SREBF1: variants seen among roughly 807,000 people sequenced by gnomAD.
SREBF1 encodes sterol regulatory element-binding protein 1.
SREBF1 carries 45 observed loss-of-function variants against 100.1 expected under a neutral mutation model. That is an observed-to-expected ratio of 0.45 (90% confidence interval 0.35 to 0.58). The LOEUF (loss-of-function observed/expected upper bound fraction) is 0.58, where lower values mean the gene tolerates loss of function less well. SREBF1 is among the 20% of genes least tolerant of loss of function. SREBF1 has a pLI of 0.00. For synonymous variants in SREBF1, 657 were observed against 681.8 expected, an observed-to-expected ratio of 0.96 and a Z score of 0.57; for missense variants, 1,324 against 1,539.4, an observed-to-expected ratio of 0.86 and a Z score of 2.34.
At position 17,813,376 on chromosome 17, in the gene SREBF1, C is replaced by T. The variant is rs1184643144; in HGVS notation, c.3206G>A (p.Gly1069Asp). 1.9e-6 allele frequency: 3 copies of T among 1,595,690 alleles called. No individual in the cohort carries two copies. In the African/African-American group the frequency reaches 4.0e-5, roughly 21 times the overall value. Residue 1069 changes from glycine to aspartate, a missense_variant, in exon 18 of 19, where the codon GGC becomes GAC. Transcript: ENST00000261646. ...AGCAGCTGCCCCCTCACCTCCTTTG[C>T]CACCGGGGCCTGCCCGCCGCCTCAG... Reference protein sequence around the residue: ...RSLRRRAGPGGKGGAVAELEP... With the variant: ...RSLRRRAGPGDKGGAVAELEP...
chr17:17,819,229 C>T lies in SREBF1; in HGVS notation c.852G>A (p.Leu284=), dbSNP rs1567972862. ...TTGCCAAGATGGTTCCGCCACTCACCAGGGTCTGCAGGGCCAGGCACATGT... is the reference window on the plus strand; with the variant it reads ...TTGCCAAGATGGTTCCGCCACTCACTAGGGTCTGCAGGGCCAGGCACATGT... ...TTVQTGPLPT[L]VSGGTILATV... Residue 284 remains leucine, a synonymous_variant, in exon 5 of 19, where the codon CTG becomes CTA. Transcript: ENST00000261646. The T allele has an allele frequency of 6.2e-7, 1 of 1,614,062 alleles. No homozygotes were observed. The highest frequency in any genetic ancestry group is 8.5e-7 in the Non-Finnish European group (1 of 1,180,046).
At chr17:17,833,909 T>C (rs1385374712) in intron 1 of SREBF1, among the ~76,000 whole-genome samples, 1 of 151,962 alleles carries the variant, frequency 6.6e-6, no homozygotes, top group East Asian at 1.9e-4. Context: ...AGGCAGAGTT[T>C]GCAGTGAGCT....
chr17:17,836,064 A>G (rs916807615), intron 1 of SREBF1, among the ~76,000 whole-genome samples: 1 of 152,214 alleles, frequency 6.6e-6, no homozygotes, highest in African/African-American at 2.4e-5. Flanking sequence ...GCTCCACCCA[A>G]GGTACAACTA....
intron 18 of SREBF1, 96 bp from the exon 19 acceptor site, chr17:17,812,947 A>G (rs2033079013): frequency 1.1e-5 from 13 of 1,177,506 alleles, no homozygotes; most frequent in African/African-American, 1.1e-4. Flanking sequence ...AGCCGCCTGT[A>G]CCTGGCACAC....
intron 1 of SREBF1, among the ~76,000 whole-genome samples, chr17:17,827,178 G>C (rs2034542769): frequency 6.6e-6 from 1 of 152,204 alleles, no homozygotes; most frequent in African/African-American, 2.4e-5. Flanking sequence ...TGAGGGGGTG[G>C]AGGCCAGGAC....
chr17:17,822,811 G>A (rs1054123364), intron 1 of SREBF1, among the ~76,000 whole-genome samples: 6 of 152,228 alleles, frequency 3.9e-5, no homozygotes, highest in South Asian at 2.1e-4. Flanking sequence ...AGCTGGCACC[G>A]AGTGGAGACC....
chr17:17,829,408 C>G (rs1264083490), intron 1 of SREBF1, among the ~76,000 whole-genome samples: 1 of 151,818 alleles, frequency 6.6e-6, no homozygotes, highest in African/African-American at 2.4e-5. Flanking sequence ...TTACAACCTT[C>G]CCTACAACGT....
At chr17:17,829,141 C>G (rs943000775) in intron 1 of SREBF1, among the ~76,000 whole-genome samples, 1 of 145,910 alleles carries the variant, frequency 6.9e-6, no homozygotes, top group South Asian at 2.2e-4. Context: ...TGCAGTGAGC[C>G]GAGATTGTAC....
At chr17:17,830,630 G>C (rs1055356760) in intron 1 of SREBF1, among the ~76,000 whole-genome samples, 4 of 152,212 alleles carry the variant, frequency 2.6e-5, no homozygotes, top group African/African-American at 7.2e-5. Flanking sequence ...CGGGGAGTCA[G>C]TTAGGAAAGG....
rs200341188 is a variant in SREBF1, at chr17:17,814,759, G to C, written c.2603-12C>G. 246 of 1,611,576 alleles carry C rather than the reference G, an allele frequency of 1.5e-4. No individual in the cohort carries two copies. The highest frequency in any genetic ancestry group is 5.0e-4 in the Middle Eastern group (3 of 6,058). On this transcript the variant is annotated splice_polypyrimidine_tract_variant and intron_variant, in intron 14 of 18. Transcript: ENST00000261646. The stretch of plus-strand genomic sequence containing the variant: ...CACCGGGTCTACGCCTGCAGAAGAG[G>C]GAGGGTCCCCTGAACCCTCAGTCAC...
rs1303284096 is a variant in SREBF1, at chr17:17,817,822, G to A, written c.1278C>T (p.Thr426=). ...GVKTEVEDTL[T]PPPSDAGSPF... is the part of the protein sequence containing the mutation. ...GTGAGCCAGCATCCGAGGGGGGTGG[G>A]GTCAGTGTGTCCTCCACCTCAGTCT... is the stretch of plus-strand genomic sequence containing the variant. Residue 426 remains threonine (T), a synonymous_variant, in exon 7 of 19, where the codon ACC becomes ACT. Transcript: ENST00000261646. The surrounding 1 kb of genome is among the most constrained non-coding windows in gnomAD (Gnocchi z 6.6). 5 of 1,611,884 alleles carry A rather than the reference G, an allele frequency of 3.1e-6. No individual in the cohort carries two copies. Among genetic ancestry groups the A allele is most frequent in the Non-Finnish European group, 4.2e-6 (5 of 1,179,998 alleles).
At chr17:17,813,202 C>T (rs2033125436) in intron 18 of SREBF1, 166 bp downstream of exon 18, 1 of 733,978 alleles carries the variant, frequency 1.4e-6, no homozygotes, top group Non-Finnish European at 2.4e-6. Context: ...CTCCTGGGCT[C>T]AAGCTGTCCT....
rs543156769 is a variant in SREBF1 at position 17,814,698 on chromosome 17, G to A, written c.2652C>T (p.Ile884=). ...KWWASLTAVV[I]HWLRRDEEAA... ...CCTCCTCATCCCGCCGCAGCCAGTG[G>A]ATCACCACAGCTGTCAGAGAGGCCC... The change falls in exon 15 of 19, where the codon ATC becomes ATT. Residue 884 remains isoleucine, a synonymous_variant. Coordinates refer to ENST00000261646, the MANE Select transcript of SREBF1 (RefSeq NM_004176.5). 5 of 1,604,080 alleles carry A rather than the reference G, an allele frequency of 3.1e-6. No individual in the cohort carries two copies. In the East Asian group the frequency reaches 1.1e-4, roughly 36 times the overall value.
intron 5 of SREBF1, 40 bp downstream of exon 5, chr17:17,818,973 A>AG (rs2033866711): frequency 1.9e-6 from 3 of 1,602,814 alleles, no homozygotes; most frequent in Non-Finnish European, 2.6e-6. Flanking sequence ...GTTCCTTCCT[A>AG]GGGACACCCC....
Position 17,811,611 on chromosome 17 carries a change from CT to C in SREBF1, c.*1010del, listed in dbSNP as rs1477079582. The C allele has an allele frequency of 2.4e-6, 1 of 420,488 alleles. No homozygotes were observed. Among genetic ancestry groups the C allele is most frequent in the East Asian group, 8.6e-5 (1 of 11,584 alleles). The allele number at this position is 420,488 out of a possible 1,614,324, so 26.0% of individuals were successfully genotyped here. A position where few individuals can be genotyped will look rare whatever the true frequency, so the allele number is the denominator to read the frequency against. Reference sequence around the variant, plus strand: ...GAAACCTCCCCCGCCCCTGTGCCCCCTCTCCAGTGTGGCGGCAGGTCGGGAG... The same window carrying C: ...GAAACCTCCCCCGCCCCTGTGCCCCCCTCCAGTGTGGCGGCAGGTCGGGAG... On this transcript the variant is annotated 3_prime_UTR_variant, in exon 19 of 19. Transcript: ENST00000261646.
intron 12 of SREBF1, 104 bp from the exon 13 acceptor site, chr17:17,815,433 G>A: frequency 5.6e-6 from 5 of 898,980 alleles, no homozygotes; most frequent in South Asian, 1.5e-5. Flanking sequence ...TAGGGCCACT[G>A]GGAAGTGCCG....
intron 5 of SREBF1, 28 bp downstream of exon 5, chr17:17,818,985 G>GTC: frequency 6.2e-7 from 1 of 1,606,798 alleles, no homozygotes; most frequent in Non-Finnish European, 8.5e-7. Context: ...GGACACCCCG[G>GTC]TCTGTGCCCC....
At chr17:17,826,734 A>G (rs1286004908) in intron 1 of SREBF1, among the ~76,000 whole-genome samples, 1 of 152,112 alleles carries the variant, frequency 6.6e-6, no homozygotes, top group Non-Finnish European at 1.5e-5. Context: ...TCTACCTTCA[A>G]ACCTCTCTCT....
chr17:17,815,005 C>A, intron 13 of SREBF1, 61 bp from the exon 14 acceptor site: 1 of 1,464,072 alleles, frequency 6.8e-7, no homozygotes, highest in South Asian at 1.2e-5. Flanking sequence ...GGGTGCTCCC[C>A]ACCTGCCCTC....
Sources: gnomAD v4.1 joint callset for allele counts (sites outside exome capture counted in the v4.1 genomes callset) on GRCh38, gnomAD v4.1.1 for gene constraint, Gnocchi (gnomAD v3.1) non-coding constraint, MANE v1.5 for transcripts, NCBI Gene and HGNC (gene_info 2026-07-23, HGNC 2026-07-21) for gene names.